Variants in TENM4 observed in about 807,000 individuals in gnomAD.
TENM4 encodes the protein teneurin transmembrane protein 4, also known as teneurin-4.
Under a neutral mutation model 243.3 loss-of-function variants are expected in TENM4, and 82 were observed. The ratio of observed to expected loss-of-function variants is 0.34; its 90% CI spans 0.28 to 0.40. The LOEUF is 0.40. TENM4 is among the 10% of genes least tolerant of loss of function. The pLI is 1.00. For missense variants in TENM4, 3,138 were observed against 3,673.3 expected, an observed-to-expected ratio of 0.85 and a Z score of 3.77; for synonymous variants, 1,412 against 1,456.3, an observed-to-expected ratio of 0.97 and a Z score of 0.69.
At chr11:78,895,349 A>G (rs967133949) in intron 7 of TENM4, among the ~76,000 whole-genome samples, 1 of 152,092 alleles carries the variant, frequency 6.6e-6, no homozygotes, top group Admixed American at 6.5e-5. Context: ...AAAAAAAAAA[A>G]AAGAAAAAAC....
At chr11:79,393,275 T>A (rs572170349) in intron 1 of TENM4, among the ~76,000 whole-genome samples, 3 of 151,974 alleles carry the variant, frequency 2.0e-5, no homozygotes, top group Non-Finnish European at 2.9e-5. Context: ...GATCAAGAAA[T>A]TTGCCCAAAA....
rs576082600 is a variant in TENM4, at chr11:79,208,761, C to A, written c.-163+7047G>T. On this transcript the variant is annotated intron_variant, in intron 3 of 33. Coordinates refer to ENST00000278550, the MANE Select transcript of TENM4 (RefSeq NM_001098816.3). ...TGGCTGACATCTAATAGGCGCTCAA[C>A]AAATGTCTGTTCTCACCCCTGGAGT... 6.6e-5 allele frequency among the ~76,000 whole-genome samples: 10 copies of A among 152,320 alleles called. No individual in the cohort carries two copies. In the East Asian group the frequency reaches 1.9e-3, roughly 29 times the overall value.
At chr11:79,137,327 G>A (rs950279651) in intron 4 of TENM4, among the ~76,000 whole-genome samples, 9 of 152,156 alleles carry the variant, frequency 5.9e-5, no homozygotes, top group Admixed American at 1.3e-4. Context: ...ACTCCACAAC[G>A]GAGGTAAGGA....
At chr11:79,418,024 C>G (rs1039157718) in intron 1 of TENM4, among the ~76,000 whole-genome samples, 1 of 152,146 alleles carries the variant, frequency 6.6e-6, no homozygotes, top group African/African-American at 2.4e-5. Context: ...ATACTTTAAA[C>G]GGTGTATGTA....
At chr11:79,386,379 A>G (rs1347340768) in intron 1 of TENM4, among the ~76,000 whole-genome samples, 1 of 152,216 alleles carries the variant, frequency 6.6e-6, no homozygotes, top group African/African-American at 2.4e-5. Flanking sequence ...CAAGACATAA[A>G]ATGTGCTAAT....
At chr11:79,201,399 C>A (rs1369018861) in intron 3 of TENM4, among the ~76,000 whole-genome samples, 1 of 151,778 alleles carries the variant, frequency 6.6e-6, no homozygotes, top group Non-Finnish European at 1.5e-5. Flanking sequence ...ACCCTCAGAC[C>A]ATCACTTATC....
At chr11:78,978,959 T>C (rs1857729768) in intron 6 of TENM4, among the ~76,000 whole-genome samples, 1 of 152,170 alleles carries the variant, frequency 6.6e-6, no homozygotes, top group African/African-American at 2.4e-5. Flanking sequence ...CCTGTGACTT[T>C]AGTGCTGGTG....
chr11:79,263,564 A>G (rs1855833982), intron 2 of TENM4, among the ~76,000 whole-genome samples: 1 of 152,240 alleles, frequency 6.6e-6, no homozygotes, highest in Non-Finnish European at 1.5e-5. Flanking sequence ...CCATGTAGAC[A>G]ATAAATGCTC....
chr11:79,148,550 T>A (rs1862436549), intron 4 of TENM4, among the ~76,000 whole-genome samples, 160 bp downstream of exon 4: 1 of 152,078 alleles, frequency 6.6e-6, no homozygotes, highest in Admixed American at 6.6e-5. Context: ...AATCCTGCAC[T>A]CTTTGTTCAT....
At chr11:79,337,546 G>T (rs183834357) in intron 1 of TENM4, among the ~76,000 whole-genome samples, 29 of 152,320 alleles carry the variant, frequency 1.9e-4, no homozygotes, top group African/African-American at 6.7e-4. Context: ...GCCAGAAAGG[G>T]TTGCTAAGAG....
intron 3 of TENM4, among the ~76,000 whole-genome samples, chr11:79,180,544 G>A (rs369277028): frequency 4.0e-4 from 61 of 151,806 alleles, no homozygotes; most frequent in South Asian, 6.3e-4. Context: ...ACAATACCGC[G>A]CACTTGGCAA....
At position 78,854,207 on chromosome 11, in the gene TENM4, A is replaced by G; in HGVS notation, c.1578T>C (p.His526=). 1.3e-6 allele frequency: 2 copies of G among 1,551,628 alleles called. No homozygotes were observed. Among genetic ancestry groups the G allele is most frequent in the South Asian group, 1.2e-5 (1 of 84,004 alleles). The part of the protein sequence containing the change: ...QSRGTVPPSS[H]ETGFIQYLDS... The stretch of plus-strand genomic sequence containing the variant: ...CCAAATACTGGATGAAGCCTGTCTC[A>G]TGGCTGGAGGGGGGCACAGTTCCCC... Residue 526 remains histidine (H), a synonymous_variant, in exon 12 of 34, where the codon CAT becomes CAC. Transcript: ENST00000278550.
chr11:78,924,401 C>G (rs1856513808), intron 6 of TENM4: 1 of 152,224 alleles, frequency 6.6e-6, no homozygotes, highest in Non-Finnish European at 1.5e-5. Context: ...TGTCCCAGTA[C>G]TTGGTGTTAA....
chr11:79,186,434 C>G (rs1242856790), intron 3 of TENM4, among the ~76,000 whole-genome samples: 1 of 152,200 alleles, frequency 6.6e-6, no homozygotes, highest in East Asian at 1.9e-4. Flanking sequence ...TATCTCTAAG[C>G]CTTATAGCAA....
intron 17 of TENM4, among the ~76,000 whole-genome samples, chr11:78,773,102 C>T (rs1275743973): frequency 2.0e-5 from 3 of 152,156 alleles, no homozygotes; most frequent in South Asian, 2.1e-4. Flanking sequence ...TTTTGTCCGT[C>T]CAGCCGGGAC....
intron 6 of TENM4, among the ~76,000 whole-genome samples, chr11:79,020,950 C>T (rs1428537328): frequency 6.6e-6 from 1 of 152,226 alleles, no homozygotes; most frequent in African/African-American, 2.4e-5. Flanking sequence ...CCCTCTGCAG[C>T]TGCACACCTA....
chr11:78,886,781 A>G (rs1219578719), intron 9 of TENM4, among the ~76,000 whole-genome samples: 1 of 152,190 alleles, frequency 6.6e-6, no homozygotes, highest in Non-Finnish European at 1.5e-5. Context: ...ATCCAGTCCA[A>G]GTATTTCGAC....
chr11:79,160,379 A>G (rs562454553), intron 3 of TENM4, among the ~76,000 whole-genome samples: 1 of 152,304 alleles, frequency 6.6e-6, no homozygotes, highest in Admixed American at 6.5e-5. Flanking sequence ...CAGAATGGGC[A>G]AGGCATGCAG....
intron 6 of TENM4, among the ~76,000 whole-genome samples, chr11:78,969,291 C>T (rs181243239): frequency 6.6e-6 from 1 of 152,282 alleles, no homozygotes; most frequent in African/African-American, 2.4e-5. Context: ...GGAAACTGTC[C>T]TAATACATAA....
Sources: allele counts gnomAD v4.1 joint callset (sites outside exome capture counted in the v4.1 genomes callset), GRCh38; gene constraint gnomAD v4.1.1; transcripts MANE v1.5; gene names NCBI Gene and HGNC (gene_info 2026-07-23, HGNC 2026-07-21).